The following F13A1 variants were observed in gnomAD, a reference collection of about 807,000 sequenced individuals.
F13A1 encodes coagulation factor XIII A chain.
A neutral mutation model predicts 80.1 loss-of-function variants in F13A1; 47 were observed. The observed-to-expected ratio is 0.59, with a 90% CI of 0.46 to 0.75. F13A1 has a LOEUF of 0.75. F13A1 is among the 30% of genes least tolerant of loss of function. The pLI is 0.00. For synonymous variants in F13A1, 349 were observed against 344.9 expected (o/e 1.01, Z -0.13); for missense variants, 817 against 930.4 (o/e 0.88, Z 1.59).
chr6:6,187,509 T>C (rs971575611), intron 10 of F13A1, among the ~76,000 whole-genome samples: 2 of 91,514 alleles, frequency 2.2e-5, no homozygotes, highest in Non-Finnish European at 4.3e-5. Flanking sequence ...GCTCTGTTTA[T>C]ATGCTGGATT....
chr6:6,232,822 A>G (rs1238674867), intron 6 of F13A1, among the ~76,000 whole-genome samples: 1 of 152,190 alleles, frequency 6.6e-6, no homozygotes. Flanking sequence ...ATGCAAATAC[A>G]TGGAAATTAA....
chr6:6,275,217 G>C (rs1757971462), intron 3 of F13A1, among the ~76,000 whole-genome samples: 1 of 152,082 alleles, frequency 6.6e-6, no homozygotes, highest in African/African-American at 2.4e-5. Context: ...AAGTGGAGGG[G>C]TGCCAGCGGA....
intron 4 of F13A1, among the ~76,000 whole-genome samples, chr6:6,252,071 TGG>T: frequency 1.3e-5 from 2 of 151,992 alleles, no homozygotes; most frequent in East Asian, 1.9e-4. Context: ...AATCCCACAG[TGG>T]TTAGAGAAAA....
rs541763681 is a variant in F13A1, at chr6:6,250,898, T to A, written c.603A>T (p.Glu201Asp). The A allele has an allele frequency of 6.2e-7, 1 of 1,613,118 alleles. No homozygotes were observed. Among genetic ancestry groups the A allele is most frequent in the African/African-American group, 1.3e-5 (1 of 75,034 alleles). ...TGTCATTCAGGACATACTCTTCTCT[T>A]TCTTTCTCATTGTCCAGATACACAG... ...DDAVYLDNEK[E>D]REEYVLNDIG... The change falls in exon 5 of 15, where the codon GAA becomes GAT. Residue 201 changes from glutamate to aspartate, a missense_variant. Coordinates refer to ENST00000264870, the MANE Select transcript of F13A1 (RefSeq NM_000129.4). The surrounding 1 kb of genome is among the most constrained non-coding windows in gnomAD (Gnocchi z 4.2).
At position 6,263,552 on chromosome 6, in the gene F13A1, C is replaced by G. The variant is rs868223708; in HGVS notation, c.571+3006G>C. 7.2e-5 allele frequency among the ~76,000 whole-genome samples: 11 copies of G among 152,292 alleles called. No individual in the cohort carries two copies. The Middle Eastern group carries it at 0.014, about 188-fold the overall frequency. On this transcript the variant is annotated intron_variant, in intron 4 of 14. Transcript: ENST00000264870. ...GAATCATTTGTGTCCGTTATTGCTC[C>G]TAACCGTGCCCATGTTTACATGTCT...
intron 6 of F13A1, among the ~76,000 whole-genome samples, chr6:6,234,860 CTT>C (rs1470324399): frequency 1.3e-5 from 2 of 151,840 alleles, no homozygotes; most frequent in Non-Finnish European, 2.9e-5. Context: ...TTCAATAAAA[CTT>C]AAAATTAAAT....
rs191266104 is a variant in F13A1 at position 6,214,295 on chromosome 6, C to G, written c.1112+7738G>C. On this transcript the variant is annotated intron_variant, in intron 8 of 14. Transcript: ENST00000264870. ...TACTTGGAAGAAAAGCCCTCCTCAG[C>G]AAATGTAAAAGAACAGAAATTATAA... 2.4e-3 allele frequency among the ~76,000 whole-genome samples: 366 copies of G among 151,988 alleles called. 5 individuals are homozygous for G. The highest frequency in any genetic ancestry group is 8.1e-3 in the African/African-American group (336 of 41,320).
Position 6,145,365 on chromosome 6 carries a change from A to G in F13A1, c.*254T>C. ...ATGATGACTGTTACTCTTATGAGCT[A>G]TGAGAGCTTAATTAAAGCTAATGCT... is the stretch of plus-strand genomic sequence containing the variant. On this transcript the variant is annotated 3_prime_UTR_variant, in exon 15 of 15. Transcript: ENST00000264870. 5.8e-6 allele frequency: 3 copies of G among 521,076 alleles called. No individual in the cohort carries two copies. In the South Asian group the frequency reaches 6.0e-5, roughly 10 times the overall value. The allele number at this position is 521,076 out of a possible 1,614,324, so 32.3% of individuals were successfully genotyped here.
At chr6:6,312,486 A>G (rs1758617714) in intron 2 of F13A1, among the ~76,000 whole-genome samples, 1 of 65,040 alleles carries the variant, frequency 1.5e-5, no homozygotes, top group South Asian at 4.7e-4. Context: ...CTTGGCCAAT[A>G]TGGTGAAACC....
At chr6:6,182,961 T>C (rs916074346) in intron 10 of F13A1, among the ~76,000 whole-genome samples, 9 of 152,176 alleles carry the variant, frequency 5.9e-5, no homozygotes, top group Admixed American at 3.3e-4. Flanking sequence ...AATGTGCTAT[T>C]TGTGGGACTC....
intron 3 of F13A1, among the ~76,000 whole-genome samples, chr6:6,298,654 G>A (rs1442649000): frequency 6.7e-6 from 1 of 149,598 alleles, no homozygotes. Flanking sequence ...CTGCATGTGA[G>A]ATGGGTTTCC....
intron 3 of F13A1, among the ~76,000 whole-genome samples, chr6:6,298,688 TTGACTCTTTATCCA>T (rs1275712816): frequency 2.7e-5 from 4 of 149,922 alleles, no homozygotes; most frequent in African/African-American, 1.0e-4. Context: ...CTGATGGGTC[TTGACTCTTTATCCA>T]ATTTGCCAGT....
intron 10 of F13A1, among the ~76,000 whole-genome samples, chr6:6,190,052 T>G (rs528861364): frequency 3.9e-5 from 6 of 152,108 alleles, no homozygotes; most frequent in African/African-American, 1.2e-4. Context: ...ACGTAGGTCT[T>G]GAGCCTTGCT....
chr6:6,180,492 G>C (rs906591874), intron 11 of F13A1, among the ~76,000 whole-genome samples: 1 of 152,234 alleles, frequency 6.6e-6, no homozygotes. Context: ...TGAATGAGTG[G>C]ATGTTGCAGC....
intron 4 of F13A1, among the ~76,000 whole-genome samples, chr6:6,252,989 T>C (rs990751919): frequency 4.0e-5 from 6 of 151,548 alleles, no homozygotes; most frequent in Non-Finnish European, 8.8e-5. Flanking sequence ...TGAAACCCCA[T>C]CTCTACTAAA....
At chr6:6,307,557 T>C (rs1041762863) in intron 2 of F13A1, among the ~76,000 whole-genome samples, 1 of 152,306 alleles carries the variant, frequency 6.6e-6, no homozygotes, top group South Asian at 2.1e-4. Flanking sequence ...TAAAGTTTTT[T>C]TTTTAAAAAT....
At chr6:6,157,411 C>T (rs1280056317) in intron 13 of F13A1, among the ~76,000 whole-genome samples, 1 of 150,142 alleles carries the variant, frequency 6.7e-6, no homozygotes, top group Non-Finnish European at 1.5e-5. Context: ...TGATCCCTGA[C>T]AGAATACAGG....
intron 2 of F13A1, among the ~76,000 whole-genome samples, chr6:6,310,891 C>G (rs116598936): frequency 1.1e-4 from 16 of 152,272 alleles, no homozygotes; most frequent in Non-Finnish European, 2.4e-4. Flanking sequence ...AAGAAGGTCC[C>G]TGGGAAGCTT....
chr6:6,265,593 A>G (rs1757832347), intron 4 of F13A1, among the ~76,000 whole-genome samples: 1 of 152,230 alleles, frequency 6.6e-6, no homozygotes, highest in African/African-American at 2.4e-5. Context: ...AACTAGATTA[A>G]GCTTCTGCCG....
Sources: gnomAD v4.1 joint callset for allele counts (sites outside exome capture counted in the v4.1 genomes callset) on GRCh38, gnomAD v4.1.1 for gene constraint, Gnocchi (gnomAD v3.1) non-coding constraint, MANE v1.5 for transcripts, NCBI Gene and HGNC (gene_info 2026-07-23, HGNC 2026-07-21) for gene names.